KRT8: variants seen among roughly 807,000 people sequenced by gnomAD.
KRT8 encodes keratin, type II cytoskeletal 8.
KRT8 carries 24 observed loss-of-function variants against 43.0 expected under a neutral mutation model. The observed-to-expected ratio is 0.56, with a 90% CI of 0.40 to 0.78. The LOEUF (loss-of-function observed/expected upper bound fraction) is 0.78. Among genes scored for constraint, KRT8 ranks in the 30% least tolerant of loss-of-function variants. The pLI is 0.00. For missense variants in KRT8, 492 were observed against 638.4 expected (o/e 0.77, Z 2.47); for synonymous variants, 214 against 261.2 (o/e 0.82, Z 1.74).
At chr12:52,924,413 CACTCCAGCCTGGGCGACAGAGGGAG>C in intron 2 of KRT8, among the ~76,000 whole-genome samples, 1 of 150,324 alleles carries the variant, frequency 6.7e-6, no homozygotes, top group South Asian at 2.1e-4. Flanking sequence ...TGCGCCACTG[CACTCCAGCCTGGGCGACAGAGGGAG>C]ACTCCGTCTC....
intron 1 of KRT8, among the ~76,000 whole-genome samples, chr12:52,902,969 A>C (rs1297476518): frequency 6.6e-6 from 1 of 152,000 alleles, no homozygotes; most frequent in Non-Finnish European, 1.5e-5. Context: ...CTGAGATCAC[A>C]CCACTGCACT....
upstream of KRT8, among the ~76,000 whole-genome samples, chr12:52,909,875 C>T (rs528920528): frequency 2.6e-5 from 4 of 152,308 alleles, no homozygotes; most frequent in South Asian, 8.3e-4. Flanking sequence ...GAGGACAGCA[C>T]AGCCTTGTTG....
chr12:52,902,236 A>G (rs1205182545), intron 1 of KRT8, 164 bp from the exon 2 acceptor site: 1 of 623,994 alleles, frequency 1.6e-6, no homozygotes, highest in Non-Finnish European at 2.9e-6. Flanking sequence ...GACCAGGGGG[A>G]GAAAGCATGG....
At chr12:52,918,237 A>AGAAGAAGAAGAG (rs1941813829) in intron 2 of KRT8, among the ~76,000 whole-genome samples, 4 of 151,570 alleles carry the variant, frequency 2.6e-5, no homozygotes, top group Admixed American at 6.6e-5. Context: ...AAGAAGAAGA[A>AGAAGAAGAAGAG]GAAGAAGAAG....
upstream of KRT8, among the ~76,000 whole-genome samples, chr12:52,910,677 A>G (rs1261419551): frequency 6.6e-6 from 1 of 152,226 alleles, no homozygotes; most frequent in Admixed American, 6.5e-5. Flanking sequence ...GGAAGCCCTC[A>G]TGGTGTTCAG....
At chr12:52,918,620 T>G (rs1411889508) in intron 2 of KRT8, among the ~76,000 whole-genome samples, 1 of 152,170 alleles carries the variant, frequency 6.6e-6, no homozygotes, top group African/African-American at 2.4e-5. Context: ...TTCCTAATGG[T>G]GTTAAGAGTT....
chr12:52,908,871 C>G (rs888085501), upstream of KRT8, among the ~76,000 whole-genome samples: 3 of 152,190 alleles, frequency 2.0e-5, no homozygotes, highest in African/African-American at 7.2e-5. Flanking sequence ...CCAGGTATGG[C>G]GGCACACGCC....
chr12:52,905,799 A>G (rs1941505285), upstream of KRT8, among the ~76,000 whole-genome samples: 1 of 152,132 alleles, frequency 6.6e-6, no homozygotes, highest in Non-Finnish European at 1.5e-5. Flanking sequence ...GTGCAAGATA[A>G]AAAGAGATCC....
At chr12:52,930,815 C>T (rs1171250790) in intron 2 of KRT8, among the ~76,000 whole-genome samples, 2 of 152,092 alleles carry the variant, frequency 1.3e-5, no homozygotes, top group Non-Finnish European at 2.9e-5. Context: ...CCACCTTGGC[C>T]TCCCAAAGTG....
At chr12:52,948,963 G>C (rs1325892658) in intron 2 of KRT8, 2 of 458,222 alleles carry the variant, frequency 4.4e-6, no homozygotes, top group Non-Finnish European at 7.5e-6. Flanking sequence ...GCAGGGCTGC[G>C]CGGAGGGCGC....
rs1555189967 is a variant in KRT8 at position 52,938,170 on chromosome 12, A to ATATATATATATT, written c.-47+11285_-47+11286insAATATATATATA. On this transcript the variant is annotated intron_variant, in intron 2 of 6. Transcript: ENST00000546826. ...TATATATATATATATATATATATAT[A>ATATATATATATT]TTTTTTTTTTTTTTTATATATAAGG... Among the ~76,000 whole-genome samples the ATATATATATATT allele has an allele frequency of 2.1e-3, 63 of 30,244 alleles. 2 individuals carry two copies. Among genetic ancestry groups the ATATATATATATT allele is most frequent in the East Asian group, 3.4e-3 (3 of 884 alleles). The allele number at this position is 30,244 out of a possible 152,430, so 19.8% of individuals were successfully genotyped here. A position where few individuals can be genotyped will look rare whatever the true frequency, so the allele number is the denominator to read the frequency against.
chr12:52,910,086 A>G (rs556578773), upstream of KRT8, among the ~76,000 whole-genome samples: 1 of 152,196 alleles, frequency 6.6e-6, no homozygotes, highest in East Asian at 1.9e-4. Context: ...CACATTTTCA[A>G]CATTCTCTCA....
At chr12:52,941,693 G>C (rs1253985291) in intron 2 of KRT8, among the ~76,000 whole-genome samples, 1 of 151,902 alleles carries the variant, frequency 6.6e-6, no homozygotes, top group Non-Finnish European at 1.5e-5. Flanking sequence ...TCTCCATGTT[G>C]GTCAGGCTGG....
At chr12:52,919,197 C>T in intron 2 of KRT8, among the ~76,000 whole-genome samples, 1 of 152,170 alleles carries the variant, frequency 6.6e-6, no homozygotes. Flanking sequence ...GCTCCTTTCC[C>T]TGCCAATGAT....
chr12:52,946,840 C>G (rs575167558), intron 2 of KRT8: 2 of 152,414 alleles, frequency 1.3e-5, no homozygotes, highest in African/African-American at 4.8e-5. Context: ...CAGCTTCCAC[C>G]CTGACTGCCC....
chr12:52,931,356 C>T (rs907271836), intron 2 of KRT8, among the ~76,000 whole-genome samples: 24 of 152,048 alleles, frequency 1.6e-4, no homozygotes, highest in African/African-American at 5.8e-4. Flanking sequence ...CGTGAGCCAC[C>T]ATGCCCGGCC....
chr12:52,919,203 A>G (rs1289590576), intron 2 of KRT8, among the ~76,000 whole-genome samples: 1 of 152,102 alleles, frequency 6.6e-6, no homozygotes, highest in Non-Finnish European at 1.5e-5. Flanking sequence ...TTCCCTGCCA[A>G]TGATGGTGGC....
At chr12:52,934,296 TACGCCTC>T (rs1942130910) in intron 2 of KRT8, among the ~76,000 whole-genome samples, 1 of 149,944 alleles carries the variant, frequency 6.7e-6, no homozygotes. Context: ...CACAGTGGTT[TACGCCTC>T]TAATCCCAGC....
intron 2 of KRT8, among the ~76,000 whole-genome samples, chr12:52,945,616 G>A (rs962094893): frequency 2.0e-5 from 3 of 152,176 alleles, no homozygotes. Flanking sequence ...TGGGCAGTAA[G>A]AGCTGACCCA....
Sources: allele counts gnomAD v4.1 joint callset (sites outside exome capture counted in the v4.1 genomes callset), GRCh38; gene constraint gnomAD v4.1.1; transcripts MANE v1.5; gene names NCBI Gene and HGNC (gene_info 2026-07-23, HGNC 2026-07-21).